Variants in ZNF367 observed in about 807,000 individuals in gnomAD.
ZNF367 encodes the protein C2H2 zinc finger protein ZFF29.
In ZNF367, 11 loss-of-function variants were observed where a neutral mutation model predicts 31.8. The observed-to-expected ratio is 0.35, with a 90% confidence interval of 0.22 to 0.57. The LOEUF is 0.57. Ranked by LOEUF, ZNF367 falls within the 20% of genes least tolerant of loss-of-function variation. The pLI, the probability that ZNF367 is intolerant of heterozygous loss-of-function variation, is 0.85. For synonymous variants in ZNF367, 199 were observed against 202.4 expected, an observed-to-expected ratio of 0.98 and a Z score of 0.14; for missense variants, 353 against 484.1, an observed-to-expected ratio of 0.73 and a Z score of 2.54.
At chr9:96,405,570 T>C (rs918849823) in intron 1 of ZNF367, among the ~76,000 whole-genome samples, 2 of 152,116 alleles carry the variant, frequency 1.3e-5, no homozygotes, top group African/African-American at 2.4e-5. Context: ...CATATATATA[T>C]ACATATACAT....
At chr9:96,416,513 A>C (rs1249849971) in intron 1 of ZNF367, among the ~76,000 whole-genome samples, 1 of 152,164 alleles carries the variant, frequency 6.6e-6, no homozygotes, top group African/African-American at 2.4e-5. Flanking sequence ...ATTTCCTCAA[A>C]ACCCAAACAA....
At chr9:96,407,847 C>T in intron 1 of ZNF367, 2 of 718,954 alleles carry the variant, frequency 2.8e-6, no homozygotes, top group South Asian at 5.1e-5. Context: ...TCTCTCTGAT[C>T]CGCCCGCCTT....
intron 1 of ZNF367, among the ~76,000 whole-genome samples, chr9:96,415,479 ATTTTTTTTTTTTTTTTTT>A (rs56349404): frequency 8.2e-4 from 31 of 37,786 alleles, no homozygotes; most frequent in Non-Finnish European, 1.3e-3. Context: ...TAGTTTCTTC[ATTTTTTTTTTTTTTTTTT>A]TTTTTTTTTT....
chr9:96,400,504 G>A (rs1444691288), intron 1 of ZNF367, among the ~76,000 whole-genome samples: 2 of 146,812 alleles, frequency 1.4e-5, no homozygotes, highest in South Asian at 4.4e-4. Context: ...TTATAAAAAA[G>A]AATCAAATAG....
chr9:96,418,282 G>A lies in ZNF367; in HGVS notation c.-250C>T, dbSNP rs1266783484. ...CTCCGCAGCGCAGGCTGCAGGGGTG[G>A]GAAGCAGCGGGCGGCCCGGCCCTTG... On this transcript the variant is annotated 5_prime_UTR_variant, in exon 1 of 5. Transcript: ENST00000375256. The A allele has an allele frequency of 2.2e-6, 1 of 462,822 alleles. No homozygotes were observed. The highest frequency in any genetic ancestry group is 3.6e-5 in the East Asian group (1 of 27,952). 28.7% of individuals were successfully genotyped at this position (462,822 alleles called of 1,614,324 possible).
intron 3 of ZNF367, 130 bp from the exon 4 acceptor site, chr9:96,392,666 G>C: frequency 7.4e-7 from 1 of 1,350,134 alleles, no homozygotes; most frequent in Non-Finnish European, 1.0e-6. Flanking sequence ...ATAATTTGGA[G>C]GAGAAAACAA....
intron 1 of ZNF367, among the ~76,000 whole-genome samples, chr9:96,406,000 C>T (rs1324748746): frequency 1.3e-5 from 2 of 152,156 alleles, no homozygotes; most frequent in East Asian, 3.8e-4. Flanking sequence ...ACTAGTGCAT[C>T]AACATTGGTT....
At chr9:96,391,347 T>C (rs1307048996) in intron 4 of ZNF367, among the ~76,000 whole-genome samples, 2 of 152,216 alleles carry the variant, frequency 1.3e-5, no homozygotes, top group Admixed American at 6.5e-5. Context: ...AGCCCGTTTG[T>C]TGCTGAGCAG....
chr9:96,408,470 G>A (rs1831700206), intron 1 of ZNF367, among the ~76,000 whole-genome samples: 1 of 152,206 alleles, frequency 6.6e-6, no homozygotes, highest in Non-Finnish European at 1.5e-5. Flanking sequence ...CCTGCCATAT[G>A]CCATAACATG....
chr9:96,398,396 A>C, intron 1 of ZNF367, 82 bp from the exon 2 acceptor site: 1 of 1,343,230 alleles, frequency 7.4e-7, no homozygotes. Flanking sequence ...AACTTTCAAA[A>C]ATCTTTCTTG....
At chr9:96,416,833 C>A (rs1054046425) in intron 1 of ZNF367, among the ~76,000 whole-genome samples, 1 of 152,146 alleles carries the variant, frequency 6.6e-6, no homozygotes, top group African/African-American at 2.4e-5. Flanking sequence ...CTACAGAGTT[C>A]AGTATAAGTC....
intron 1 of ZNF367, among the ~76,000 whole-genome samples, chr9:96,412,727 G>A (rs1383831845): frequency 7.5e-6 from 1 of 132,646 alleles, no homozygotes; most frequent in Non-Finnish European, 1.5e-5. Flanking sequence ...ACAGAATCTC[G>A]CTTAGTCGCC....
At chr9:96,389,979 T>C (rs1831451639) in intron 4 of ZNF367, among the ~76,000 whole-genome samples, 1 of 148,480 alleles carries the variant, frequency 6.7e-6, no homozygotes, top group Non-Finnish European at 1.5e-5. Flanking sequence ...GATTTTACCA[T>C]GTTGACCAGG....
chr9:96,397,876 G>A (rs1326977813), intron 2 of ZNF367, among the ~76,000 whole-genome samples: 2 of 151,926 alleles, frequency 1.3e-5, no homozygotes, highest in African/African-American at 4.8e-5. Context: ...CGGATCACAA[G>A]GTCAGGAGTT....
At chr9:96,411,666 A>ATGGC (rs1320496305) in intron 1 of ZNF367, among the ~76,000 whole-genome samples, 2 of 152,200 alleles carry the variant, frequency 1.3e-5, no homozygotes, top group Non-Finnish European at 2.9e-5. Context: ...AGTTAACCAT[A>ATGGC]TGGCTGCCTC....
At chr9:96,414,612 G>A (rs1831794076) in intron 1 of ZNF367, among the ~76,000 whole-genome samples, 1 of 152,040 alleles carries the variant, frequency 6.6e-6, no homozygotes. Context: ...CAAGTAGCTG[G>A]GACTACAGGG....
chr9:96,409,213 C>A (rs1157678727), intron 1 of ZNF367, among the ~76,000 whole-genome samples: 2 of 152,222 alleles, frequency 1.3e-5, no homozygotes, highest in Admixed American at 6.5e-5. Context: ...GTACAGCCTG[C>A]AGAACTACAA....
intron 1 of ZNF367, among the ~76,000 whole-genome samples, chr9:96,406,062 C>A (rs767159690): frequency 3.3e-5 from 5 of 152,126 alleles, no homozygotes; most frequent in Non-Finnish European, 5.9e-5. Context: ...AACAGGGAAG[C>A]TGGGTGTGCA....
chr9:96,417,394 G>A lies in ZNF367; in HGVS notation c.420+219C>T, dbSNP rs1831845384. Among the ~76,000 whole-genome samples the A allele has an allele frequency of 6.6e-6, 1 of 150,870 alleles. No individual in the cohort carries two copies. The highest frequency in any genetic ancestry group is 1.5e-5 in the Non-Finnish European group (1 of 67,700). On this transcript the variant is annotated intron_variant, in intron 1 of 4. Transcript: ENST00000375256. The surrounding 1 kb of genome is among the most constrained non-coding windows in gnomAD (Gnocchi z 5.0). ...CGCGCTCCCGCCCACTGCACCTGCC[G>A]CAAGGACGGTCTCCCGCGCCGCTCC...
Sources: gnomAD v4.1 joint callset for allele counts (sites outside exome capture counted in the v4.1 genomes callset) on GRCh38, gnomAD v4.1.1 for gene constraint, Gnocchi (gnomAD v3.1) non-coding constraint, MANE v1.5 for transcripts, NCBI Gene and HGNC (gene_info 2026-07-23, HGNC 2026-07-21) for gene names.